KCNG2: variants seen among roughly 807,000 people sequenced by gnomAD.
KCNG2 encodes the protein voltage-gated potassium channel regulatory subunit KCNG2.
KCNG2 carries 7 observed loss-of-function variants against 12.3 expected under a neutral mutation model. The observed-to-expected ratio is 0.57, with a 90% confidence interval of 0.32 to 1.07. The LOEUF is 1.07. Among genes scored for constraint, KCNG2 ranks in the 50% least tolerant of loss-of-function variants. The pLI, the probability that KCNG2 is intolerant of heterozygous loss-of-function variation, is 0.04. For missense variants in KCNG2, 703 were observed against 726.0 expected (o/e 0.97, Z 0.36); for synonymous variants, 414 against 351.4 (o/e 1.18, Z -1.99).
intron 1 of KCNG2, among the ~76,000 whole-genome samples, chr18:79,854,215 C>T (rs1300754899): frequency 6.6e-6 from 1 of 152,222 alleles, no homozygotes; most frequent in Non-Finnish European, 1.5e-5. Flanking sequence ...CCGGCAGAGC[C>T]TCACTGTCCC....
Position 79,884,417 on chromosome 18 carries a change from C to T in KCNG2, c.625-14623C>T, listed in dbSNP as rs1218074841. ...GTCCTCCGGTGAGGGCGCCTCTGCTCAACCCCGGCCTGGCAGGGACTGGCT... is the reference window on the plus strand; with the variant it reads ...GTCCTCCGGTGAGGGCGCCTCTGCTTAACCCCGGCCTGGCAGGGACTGGCT... On this transcript the variant is annotated intron_variant, in intron 3 of 3. Transcript: ENST00000316249. The surrounding 1 kb of genome is among the most constrained non-coding windows in gnomAD (Gnocchi z 5.5). 2.0e-5 allele frequency among the ~76,000 whole-genome samples: 3 copies of T among 152,222 alleles called. No individual in the cohort carries two copies. The highest frequency in any genetic ancestry group is 4.4e-5 in the Non-Finnish European group (3 of 68,032).
intron 3 of KCNG2, among the ~76,000 whole-genome samples, chr18:79,893,000 G>A (rs1980802488): frequency 6.6e-6 from 1 of 151,110 alleles, no homozygotes; most frequent in Non-Finnish European, 1.5e-5. Context: ...TTTTGATTGG[G>A]TTGTTCACTC....
intron 1 of KCNG2, among the ~76,000 whole-genome samples, chr18:79,852,395 A>T (rs955601214): frequency 1.1e-4 from 17 of 152,358 alleles, no homozygotes; most frequent in Middle Eastern, 3.4e-3. Context: ...TATGTCTGTA[A>T]TATCAAAGCA....
At chr18:79,844,507 G>T (rs957628852) in intron 1 of KCNG2, among the ~76,000 whole-genome samples, 14 of 152,160 alleles carry the variant, frequency 9.2e-5, no homozygotes, top group African/African-American at 3.4e-4. Flanking sequence ...TAATACTATA[G>T]TGCATACTTG....
rs985439898 is a variant in KCNG2 at position 79,800,983 on chromosome 18, G to A, written c.-115+2969G>A. On this transcript the variant is annotated intron_variant, in intron 1 of 3. Transcript: ENST00000316249. This position sits in a 1 kb window ranked among gnomAD's most constrained non-coding sequence, Gnocchi z 4.0. ...AGGCAGCTGCCAACAGTCTGGCCAC[G>A]AGGAGCTCCGTGCTGTTGAGGCACT... 1.3e-5 allele frequency among the ~76,000 whole-genome samples: 2 copies of A among 152,218 alleles called. No individual in the cohort carries two copies. Among genetic ancestry groups the A allele is most frequent in the Non-Finnish European group, 2.9e-5 (2 of 68,042 alleles).
chr18:79,874,755 C>T (rs1013366948), intron 3 of KCNG2, among the ~76,000 whole-genome samples: 1 of 152,192 alleles, frequency 6.6e-6, no homozygotes, highest in Non-Finnish European at 1.5e-5. Flanking sequence ...TCCAGGAGGC[C>T]GGCCCAGGTG....
chr18:79,842,137 G>C (rs1174161458), intron 1 of KCNG2, among the ~76,000 whole-genome samples: 2 of 152,160 alleles, frequency 1.3e-5, no homozygotes, highest in Non-Finnish European at 2.9e-5. Flanking sequence ...GCCTACCCCA[G>C]CACAAGGGTG....
chr18:79,849,378 G>A (rs1237371378), intron 1 of KCNG2, among the ~76,000 whole-genome samples: 1 of 152,208 alleles, frequency 6.6e-6, no homozygotes, highest in Non-Finnish European at 1.5e-5. Flanking sequence ...GGGCACAGGC[G>A]CCCCTCTTGG....
At chr18:79,848,614 C>T (rs1157509129) in intron 1 of KCNG2, among the ~76,000 whole-genome samples, 1 of 152,244 alleles carries the variant, frequency 6.6e-6, no homozygotes, top group Non-Finnish European at 1.5e-5. Flanking sequence ...GGGGCTGAGA[C>T]TCGCACACAC....
chr18:79,816,781 G>A (rs566950920), intron 1 of KCNG2, among the ~76,000 whole-genome samples: 2 of 152,236 alleles, frequency 1.3e-5, no homozygotes, highest in African/African-American at 2.4e-5. Flanking sequence ...GCAGTGTGGA[G>A]GGCCCAGTCT....
chr18:79,881,466 A>C (rs1343233770), intron 3 of KCNG2, among the ~76,000 whole-genome samples: 1 of 152,222 alleles, frequency 6.6e-6, no homozygotes, highest in Non-Finnish European at 1.5e-5. Context: ...GCTAGCAGTG[A>C]ACTATTGGAA....
At chr18:79,810,636 GGC>G (rs2087487674) in intron 1 of KCNG2, among the ~76,000 whole-genome samples, 1 of 152,132 alleles carries the variant, frequency 6.6e-6, no homozygotes, top group Non-Finnish European at 1.5e-5. Flanking sequence ...TGCTGGCACA[GGC>G]CTGTAGTTGC....
intron 2 of KCNG2, 74 bp from the exon 3 acceptor site, chr18:79,863,554 C>CTG: frequency 1.8e-6 from 2 of 1,099,978 alleles, no homozygotes; most frequent in Non-Finnish European, 2.2e-6. Context: ...CGGCCCGGCC[C>CTG]CTGGATCCCC....
At chr18:79,864,539 C>T (rs1047349850) in intron 3 of KCNG2, among the ~76,000 whole-genome samples, 1 of 152,222 alleles carries the variant, frequency 6.6e-6, no homozygotes, top group Non-Finnish European at 1.5e-5. Context: ...CTCCAAGTTA[C>T]ATTCGGTTTC....
intron 3 of KCNG2, among the ~76,000 whole-genome samples, chr18:79,876,594 G>C (rs1197199802): frequency 2.6e-5 from 4 of 152,268 alleles, no homozygotes; most frequent in African/African-American, 7.2e-5. Context: ...TCCACAGGCA[G>C]TGGTGCCCTC....
chr18:79,878,998 C>T (rs1015024956), intron 3 of KCNG2, among the ~76,000 whole-genome samples: 1 of 152,246 alleles, frequency 6.6e-6, no homozygotes, highest in Non-Finnish European at 1.5e-5. Context: ...GCTCCTGCCT[C>T]CCCCGTCTTT....
chr18:79,799,863 G>T (rs1190083659), intron 1 of KCNG2, among the ~76,000 whole-genome samples: 1 of 152,192 alleles, frequency 6.6e-6, no homozygotes, highest in Admixed American at 6.5e-5. Context: ...TGCGGCTGGG[G>T]CTGCATGGCT....
At chr18:79,859,830 GTC>G (rs1979149614) in intron 2 of KCNG2, among the ~76,000 whole-genome samples, 2 of 152,100 alleles carry the variant, frequency 1.3e-5, no homozygotes, top group South Asian at 4.1e-4. Flanking sequence ...TGATTTTTAT[GTC>G]TCTCTTTACA....
intron 1 of KCNG2, among the ~76,000 whole-genome samples, chr18:79,829,259 T>C (rs1467505064): frequency 2.6e-5 from 4 of 151,208 alleles, no homozygotes; most frequent in Non-Finnish European, 5.9e-5. Flanking sequence ...TGCGTGTGTG[T>C]CTGTGTGTGC....
Sources: gnomAD v4.1 joint callset for allele counts (sites outside exome capture counted in the v4.1 genomes callset) on GRCh38, gnomAD v4.1.1 for gene constraint, Gnocchi (gnomAD v3.1) non-coding constraint, MANE v1.5 for transcripts, NCBI Gene and HGNC (gene_info 2026-07-23, HGNC 2026-07-21) for gene names.